The following FHOD3 variants were observed in gnomAD, a reference collection of about 807,000 sequenced individuals.
The protein encoded by FHOD3 is FH1/FH2 domain-containing protein 3.
Under a neutral mutation model 173.0 loss-of-function variants are expected in FHOD3, and 90 were observed. That is an observed-to-expected ratio of 0.52 (90% CI 0.44 to 0.62). The LOEUF (loss-of-function observed/expected upper bound fraction) is 0.62, where lower values mean the gene tolerates loss of function less well. Among genes scored for constraint, FHOD3 ranks in the 20% least tolerant of loss-of-function variants. The pLI is 0.00. For missense variants in FHOD3, 1,945 were observed against 2,034.7 expected (o/e 0.96, Z 0.85); for synonymous variants, 828 against 823.0 (o/e 1.01, Z -0.10).
chr18:36,514,150 A>G (rs2055826660), intron 5 of FHOD3, among the ~76,000 whole-genome samples: 1 of 151,540 alleles, frequency 6.6e-6, no homozygotes, highest in South Asian at 2.1e-4. Flanking sequence ...CTGGGACTAC[A>G]GGCACCCGCC....
At chr18:36,583,854 C>T (rs1355159953) in intron 6 of FHOD3, among the ~76,000 whole-genome samples, 1 of 151,858 alleles carries the variant, frequency 6.6e-6, no homozygotes, top group Admixed American at 6.6e-5. Context: ...GAGACGGAGT[C>T]TCACTCTGTC....
At chr18:36,770,630 G>GGGT (rs2043335845) in intron 28 of FHOD3, among the ~76,000 whole-genome samples, 1 of 152,178 alleles carries the variant, frequency 6.6e-6, no homozygotes, top group South Asian at 2.1e-4. Flanking sequence ...TCAGTAAGAT[G>GGGT]GGTGGACTGA....
At chr18:36,603,948 A>G (rs1444435686) in intron 8 of FHOD3, among the ~76,000 whole-genome samples, 1 of 152,184 alleles carries the variant, frequency 6.6e-6, no homozygotes, top group Non-Finnish European at 1.5e-5. Context: ...GAGATAAGGA[A>G]TCCTGGGGGT....
At chr18:36,503,139 C>G (rs954083614) in intron 4 of FHOD3, among the ~76,000 whole-genome samples, 4 of 152,154 alleles carry the variant, frequency 2.6e-5, no homozygotes, top group Admixed American at 6.5e-5. Context: ...AGAAAGTCAC[C>G]AACATAATGA....
At chr18:36,748,382 AACACACACACACAC>A (rs532609709) in intron 24 of FHOD3, among the ~76,000 whole-genome samples, 2,533 of 143,564 alleles carry the variant, frequency 0.018, 86 homozygotes, top group African/African-American at 0.062. Context: ...ACACACACAC[AACACACACACACAC>A]ACACACACAC....
Position 36,297,977 on chromosome 18 carries a change from A to G in FHOD3, c.142A>G (p.Arg48Gly). ...ALGTQLAGVH[R>G]LLQAPHKLDD... ...CGGCACCCAGCTGGCGGGGGTCCAT[A>G]GGCTGCTGCAGGCGCCGCACAAGGT... Residue 48 changes from arginine (R) to glycine (G), a missense_variant, in exon 1 of 29, where the codon AGG (arginine) becomes GGG (glycine). Arg to Gly is a moderately radical substitution (Grantham distance 125, BLOSUM62 -2). Coordinates refer to ENST00000590592, the MANE Select transcript of FHOD3 (RefSeq NM_001281740.3). The G allele has an allele frequency of 6.4e-7, 1 of 1,555,198 alleles. No individual in the cohort carries two copies. Among genetic ancestry groups the G allele is most frequent in the South Asian group, 1.2e-5 (1 of 83,510 alleles).
intron 14 of FHOD3, among the ~76,000 whole-genome samples, chr18:36,680,902 A>C (rs2038195231): frequency 6.6e-6 from 1 of 152,254 alleles, no homozygotes. Flanking sequence ...GTATAATAGA[A>C]AATAGTTTTA....
intron 5 of FHOD3, among the ~76,000 whole-genome samples, chr18:36,536,594 T>C (rs1276466558): frequency 4.6e-5 from 7 of 152,240 alleles, no homozygotes; most frequent in African/African-American, 1.7e-4. Context: ...TCCTTGATGC[T>C]GCAGCCACCT....
intron 5 of FHOD3, among the ~76,000 whole-genome samples, chr18:36,555,788 T>A (rs1308377653): frequency 6.6e-6 from 1 of 152,204 alleles, no homozygotes; most frequent in African/African-American, 2.4e-5. Context: ...CATTATGAAA[T>A]GACATTCTTC....
At chr18:36,639,336 T>C (rs977113159) in intron 10 of FHOD3, among the ~76,000 whole-genome samples, 1 of 151,852 alleles carries the variant, frequency 6.6e-6, no homozygotes, top group African/African-American at 2.4e-5. Flanking sequence ...GGTCAGGAGA[T>C]CGAGACCATC....
At chr18:36,575,872 G>A (rs1295018477) in intron 5 of FHOD3, among the ~76,000 whole-genome samples, 2 of 152,196 alleles carry the variant, frequency 1.3e-5, no homozygotes, top group South Asian at 2.1e-4. Context: ...GGTATGTGAC[G>A]AATGTGTGAT....
At chr18:36,326,882 A>G (rs1430319593) in intron 1 of FHOD3, among the ~76,000 whole-genome samples, 1 of 152,250 alleles carries the variant, frequency 6.6e-6, no homozygotes, top group East Asian at 1.9e-4. Flanking sequence ...GAGACTCACC[A>G]GGAGCAGATA....
intron 1 of FHOD3, among the ~76,000 whole-genome samples, chr18:36,343,131 A>G (rs1189109167): frequency 1.3e-5 from 2 of 152,240 alleles, no homozygotes; most frequent in African/African-American, 4.8e-5. Context: ...AATGTTAATG[A>G]CCCAGCAATT....
chr18:36,672,114 G>A (rs531926808), intron 14 of FHOD3, among the ~76,000 whole-genome samples: 1 of 152,154 alleles, frequency 6.6e-6, no homozygotes, highest in African/African-American at 2.4e-5. Context: ...GGGGACAGTG[G>A]TATATGAGTT....
At position 36,666,153 on chromosome 18, in the gene FHOD3, G is replaced by T. The variant is rs570754880; in HGVS notation, c.1835+7965G>T. Among the ~76,000 whole-genome samples the T allele has an allele frequency of 9.2e-5, 14 of 152,344 alleles. 1 individual carries two copies. In the South Asian group the frequency reaches 2.9e-3, roughly 32 times the overall value. On this transcript the variant is annotated intron_variant, in intron 14 of 28. Transcript: ENST00000590592. ...GGGACCAGTCTCCACAGCACACTGC[G>T]TGAGCCCTGCTATTCCTTCCCATGG...
chr18:36,751,253 A>G (rs1340272749), intron 24 of FHOD3, among the ~76,000 whole-genome samples: 1 of 152,108 alleles, frequency 6.6e-6, no homozygotes, highest in East Asian at 1.9e-4. Context: ...TGTGAATGAG[A>G]TTGCCTTTCT....
intron 9 of FHOD3, among the ~76,000 whole-genome samples, chr18:36,621,508 C>T (rs2033704397): frequency 6.6e-6 from 1 of 152,188 alleles, no homozygotes. Context: ...AGTTTATCTA[C>T]TTGGCCTGGC....
chr18:36,740,943 GGGTA>G (rs2041872697), intron 21 of FHOD3, 105 bp downstream of exon 21: 1 of 1,100,776 alleles, frequency 9.1e-7, no homozygotes, highest in Admixed American at 3.0e-5. Context: ...TCTTGGCATA[GGGTA>G]CGGAGGGTGA....
rs190185877 is a variant in FHOD3, at chr18:36,546,021, A to G, written c.512-30430A>G. Among the ~76,000 whole-genome samples the G allele has an allele frequency of 3.9e-5, 6 of 152,360 alleles. No individual in the cohort carries two copies. In the East Asian group the frequency reaches 1.2e-3, roughly 29 times the overall value. On this transcript the variant is annotated intron_variant, in intron 5 of 28. Coordinates refer to ENST00000590592, the MANE Select transcript of FHOD3 (RefSeq NM_001281740.3). ...ACGGCTTGCCGTTTGGAAAACAACC[A>G]GTATGAAATCCTTCTCGAATCTGTG... is the stretch of plus-strand genomic sequence containing the variant.
Sources: gnomAD v4.1 joint callset for allele counts (sites outside exome capture counted in the v4.1 genomes callset) on GRCh38, gnomAD v4.1.1 for gene constraint, MANE v1.5 for transcripts, NCBI Gene and HGNC (gene_info 2026-07-23, HGNC 2026-07-21) for gene names.